DZANK1: variants seen among roughly 807,000 people sequenced by gnomAD.
DZANK1 encodes the protein double zinc ribbon and ankyrin repeat-containing protein 1.
In DZANK1, 91 loss-of-function variants were observed where a neutral mutation model predicts 94.5. The observed-to-expected ratio is 0.96, with a 90% confidence interval of 0.81 to 1.15. DZANK1 has a LOEUF of 1.15. DZANK1 is among the 50% of genes most tolerant of loss of function. The pLI, the probability that DZANK1 is intolerant of heterozygous loss-of-function variation, is 0.00. For missense variants in DZANK1, 903 were observed against 916.4 expected (o/e 0.99, Z 0.19); for synonymous variants, 312 against 325.3 (o/e 0.96, Z 0.44).
At position 18,414,336 on chromosome 20, in the gene DZANK1, G is replaced by T; in HGVS notation, c.1242+12C>A. On this transcript the variant is annotated intron_variant, in intron 12 of 20. Coordinates refer to ENST00000262547, the Ensembl canonical transcript of DZANK1. Reference sequence around the variant, plus strand: ...TCCTGGGTACCAGTTCTTACTACAGGGGAGGCCTCACCTCAGAAAAAGGGC... The same window carrying T: ...TCCTGGGTACCAGTTCTTACTACAGTGGAGGCCTCACCTCAGAAAAAGGGC... The T allele has an allele frequency of 6.2e-7, 1 of 1,613,336 alleles. No homozygotes were observed. The highest frequency in any genetic ancestry group is 8.5e-7 in the Non-Finnish European group (1 of 1,179,782).
At position 18,427,673 on chromosome 20, in the gene DZANK1, G is replaced by C. The variant is rs1376642706; in HGVS notation, c.862-514C>G. On this transcript the variant is annotated intron_variant, in intron 9 of 20. Transcript: ENST00000262547. ...GTGAAAACCGTGACACTGAGTAGAC[G>C]TTCCATTTCATGGCTTAAACAGTAA... Among the ~76,000 whole-genome samples, 12 of 151,638 alleles carry C rather than the reference G, an allele frequency of 7.9e-5. No homozygotes were observed. The East Asian group carries it at 1.9e-3, about 24-fold the overall frequency.
rs146649134 is a variant in DZANK1 at position 18,421,324 on chromosome 20, A to T, written c.954+5743T>A. On this transcript the variant is annotated intron_variant, in intron 10 of 20. Transcript: ENST00000262547. ...ACTAGGATTCTCTCCAACAAGCTCCACATATGTGACGCTTACAGATTTGGA... is the reference window on the plus strand; with the variant it reads ...ACTAGGATTCTCTCCAACAAGCTCCTCATATGTGACGCTTACAGATTTGGA... The T allele has an allele frequency of 2.3e-3, 399 of 172,008 alleles. 1 individual carries two copies. The highest frequency in any genetic ancestry group is 9.1e-3 in the African/African-American group (381 of 41,758). The allele number at this position is 172,008 out of a possible 1,614,324, so 10.7% of individuals were successfully genotyped here. A position where few individuals can be genotyped will look rare whatever the true frequency, so the allele number is the denominator to read the frequency against.
At chr20:18,460,062 C>T (rs2059421318) in intron 3 of DZANK1, 91 bp downstream of exon 3, 2 of 955,402 alleles carry the variant, frequency 2.1e-6, no homozygotes, top group African/African-American at 1.7e-5. Context: ...CCTTCTAATG[C>T]AGCACTGATT....
intron 5 of DZANK1, among the ~76,000 whole-genome samples, chr20:18,452,959 C>T (rs2059156930): frequency 6.6e-6 from 1 of 152,200 alleles, no homozygotes; most frequent in Non-Finnish European, 1.5e-5. Flanking sequence ...TTCCCCGCTG[C>T]ATTCTACAAT....
At chr20:18,454,986 T>C (rs1357174569) in intron 4 of DZANK1, among the ~76,000 whole-genome samples, 13 of 152,158 alleles carry the variant, frequency 8.5e-5, no homozygotes, top group African/African-American at 2.9e-4. Context: ...TCTGGTTTTT[T>C]CAGTAGGTAA....
chr20:18,455,156 G>A (rs6045413), intron 4 of DZANK1, 91 bp downstream of exon 4: 113,531 of 864,580 alleles, frequency 0.13, 9,286 homozygotes, highest in East Asian at 0.31. Flanking sequence ...TGTGAGCAGA[G>A]GTAAGGTAAT....
chr20:18,412,522 G>A, intron 13 of DZANK1, 124 bp downstream of exon 13: 3 of 1,007,892 alleles, frequency 3.0e-6, no homozygotes, highest in Non-Finnish European at 4.4e-6. Flanking sequence ...TTGAAAAAGA[G>A]GAAAAGAAAG....
chr20:18,452,512 C>T (rs924468831), intron 6 of DZANK1, 103 bp downstream of exon 6: 5 of 1,338,888 alleles, frequency 3.7e-6, no homozygotes, highest in Admixed American at 2.7e-5. Flanking sequence ...CAGTGCCTGG[C>T]ACATGGTCAA....
chr20:18,397,940 G>A (rs544068748), intron 14 of DZANK1, among the ~76,000 whole-genome samples: 1 of 152,292 alleles, frequency 6.6e-6, no homozygotes, highest in Non-Finnish European at 1.5e-5. Flanking sequence ...GAAGTCTCAT[G>A]GCATCACTTC....
At chr20:18,450,609 G>A (rs1325739724) in intron 6 of DZANK1, among the ~76,000 whole-genome samples, 1 of 152,218 alleles carries the variant, frequency 6.6e-6, no homozygotes, top group East Asian at 1.9e-4. Context: ...TAGCAACACT[G>A]AGCCTTCAGT....
intron 7 of DZANK1, 41 bp from the exon 8 acceptor site, chr20:18,443,505 G>T: frequency 1.7e-6 from 2 of 1,156,608 alleles, no homozygotes; most frequent in Non-Finnish European, 2.4e-6. Context: ...GTTCTGGTGG[G>T]CCCACATTAA....
exon 21 of DZANK1, chr20:18,384,263 T>C (rs2048346063): frequency 3.6e-6 from 3 of 826,334 alleles, no homozygotes; most frequent in Non-Finnish European, 5.4e-6. Flanking sequence ...TTCTCCATGT[T>C]GGTCAGGCTG....
At chr20:18,452,863 G>A in intron 5 of DZANK1, 124 bp from the exon 6 acceptor site, 1 of 1,010,240 alleles carries the variant, frequency 9.9e-7, no homozygotes, top group South Asian at 1.8e-5. Context: ...TTCCCTAGAA[G>A]TAACAATTAT....
At chr20:18,443,364 G>A (rs1195937696) in exon 8 of DZANK1, 4 of 1,549,816 alleles carry the variant, frequency 2.6e-6, no homozygotes, top group Admixed American at 2.0e-5. Flanking sequence ...CCTTCTGGGG[G>A]TGGGAGACGA....
At chr20:18,439,785 T>A (rs2058663303) in intron 8 of DZANK1, among the ~76,000 whole-genome samples, 2 of 152,004 alleles carry the variant, frequency 1.3e-5, no homozygotes, top group Non-Finnish European at 2.9e-5. Flanking sequence ...TAGGTAAGAG[T>A]TAGGGATGCA....
chr20:18,450,393 G>C (rs1368478850), intron 6 of DZANK1, among the ~76,000 whole-genome samples: 1 of 152,112 alleles, frequency 6.6e-6, no homozygotes. Flanking sequence ...TCTACAAAAA[G>C]AAAAACAAAT....
chr20:18,407,587 T>C (rs1008779554), intron 13 of DZANK1, among the ~76,000 whole-genome samples: 2 of 152,152 alleles, frequency 1.3e-5, no homozygotes, highest in Admixed American at 1.3e-4. Flanking sequence ...TAAGACACCA[T>C]GGACCAATCC....
At chr20:18,400,316 C>T (rs78265695) in intron 13 of DZANK1, among the ~76,000 whole-genome samples, 16,614 of 152,106 alleles carry the variant, frequency 0.11, 1,002 homozygotes, top group African/African-American at 0.15. Flanking sequence ...AACTGGGGCC[C>T]GATCTTGCTG....
chr20:18,452,484 G>C, intron 6 of DZANK1, 131 bp downstream of exon 6: 2 of 1,085,180 alleles, frequency 1.8e-6, no homozygotes, highest in Non-Finnish European at 1.3e-6. Context: ...GTCCAGTACA[G>C]TATTCCCAGC....
Sources: allele counts gnomAD v4.1 joint callset (sites outside exome capture counted in the v4.1 genomes callset), GRCh38; gene constraint gnomAD v4.1.1; transcripts MANE v1.5; gene names NCBI Gene and HGNC (gene_info 2026-07-23, HGNC 2026-07-21).